FSTL5: variants seen among roughly 807,000 people sequenced by gnomAD.
FSTL5 encodes the protein follistatin-related protein 5.
A neutral mutation model predicts 89.1 loss-of-function variants in FSTL5; 62 were observed. The ratio of observed to expected loss-of-function variants is 0.70; its 90% CI spans 0.57 to 0.86. The LOEUF is 0.86. Among genes scored for constraint, FSTL5 ranks in the 40% least tolerant of loss-of-function variants. FSTL5 has a pLI of 0.00. For missense variants in FSTL5, 1,057 were observed against 1,001.6 expected (o/e 1.06, Z -0.75); for synonymous variants, 383 against 346.2 (o/e 1.11, Z -1.18).
chr4:161,901,219 A>C (rs1047598275), intron 4 of FSTL5, among the ~76,000 whole-genome samples: 1 of 151,970 alleles, frequency 6.6e-6, no homozygotes, highest in African/African-American at 2.4e-5. Flanking sequence ...CTAAATTACT[A>C]GTAACATTTT....
intron 8 of FSTL5, among the ~76,000 whole-genome samples, chr4:161,576,240 C>G (rs930973368): frequency 3.9e-5 from 6 of 152,180 alleles, no homozygotes; most frequent in Admixed American, 3.9e-4. Flanking sequence ...AATGGCCATA[C>G]TGCCCAAAGT....
intron 2 of FSTL5, among the ~76,000 whole-genome samples, chr4:162,078,209 G>A (rs1189725553): frequency 6.6e-6 from 1 of 151,790 alleles, no homozygotes; most frequent in Non-Finnish European, 1.5e-5. Context: ...CAACATTTCT[G>A]AAGGTCTCTC....
chr4:161,677,670 A>G (rs990803808), intron 6 of FSTL5, among the ~76,000 whole-genome samples: 2 of 151,990 alleles, frequency 1.3e-5, no homozygotes, highest in East Asian at 1.9e-4. Context: ...TAAAGAGCTG[A>G]CATTACAGTT....
intron 1 of FSTL5, among the ~76,000 whole-genome samples, chr4:162,151,355 G>T (rs1332271420): frequency 6.9e-6 from 1 of 145,612 alleles, no homozygotes; most frequent in Non-Finnish European, 1.5e-5. Context: ...TTGGTATGAA[G>T]TTGCTAACTC....
chr4:162,012,718 C>T (rs1736803507), intron 3 of FSTL5, among the ~76,000 whole-genome samples: 1 of 151,974 alleles, frequency 6.6e-6, no homozygotes, highest in South Asian at 2.1e-4. Context: ...AGAATTTAGA[C>T]ATATGAAATA....
chr4:161,549,014 T>C (rs1578916529), intron 8 of FSTL5, among the ~76,000 whole-genome samples: 1 of 151,852 alleles, frequency 6.6e-6, no homozygotes, highest in East Asian at 1.9e-4. Flanking sequence ...ATTTTCTTAA[T>C]TGTAGAGAGT....
At chr4:161,689,627 A>G (rs1356585714) in intron 6 of FSTL5, among the ~76,000 whole-genome samples, 1 of 152,098 alleles carries the variant, frequency 6.6e-6, no homozygotes, top group Non-Finnish European at 1.5e-5. Context: ...GCACTATTTT[A>G]GAGGACATTT....
chr4:161,696,402 A>G (rs1412239864), intron 6 of FSTL5, among the ~76,000 whole-genome samples: 4 of 152,144 alleles, frequency 2.6e-5, no homozygotes, highest in African/African-American at 9.6e-5. Flanking sequence ...TGGTGTCTCC[A>G]TATTTGTTCT....
At chr4:161,447,156 T>C (rs945327429) in intron 15 of FSTL5, among the ~76,000 whole-genome samples, 1 of 151,994 alleles carries the variant, frequency 6.6e-6, no homozygotes, top group Admixed American at 6.6e-5. Flanking sequence ...CAATGTGGAG[T>C]GTTTCTAAAT....
intron 7 of FSTL5, among the ~76,000 whole-genome samples, chr4:161,629,089 T>G (rs1467629108): frequency 6.6e-6 from 1 of 152,148 alleles, no homozygotes; most frequent in African/African-American, 2.4e-5. Flanking sequence ...AAACTAAGTT[T>G]GCTTTGTCCC....
chr4:162,065,522 C>T (rs759901705), intron 2 of FSTL5, among the ~76,000 whole-genome samples: 17 of 151,730 alleles, frequency 1.1e-4, no homozygotes, highest in South Asian at 4.1e-4. Context: ...CTAGTACATG[C>T]GAGCATAGCT....
chr4:161,407,445 A>C (rs535831409), intron 15 of FSTL5, among the ~76,000 whole-genome samples: 1 of 152,304 alleles, frequency 6.6e-6, no homozygotes, highest in East Asian at 1.9e-4. Context: ...GAAACCTAGC[A>C]TGAGATGCCT....
chr4:161,734,665 TAAAC>T (rs1297803477), intron 6 of FSTL5, among the ~76,000 whole-genome samples: 5 of 151,966 alleles, frequency 3.3e-5, no homozygotes, highest in African/African-American at 9.7e-5. Context: ...TGGGACAAAA[TAAAC>T]AAAAAACAAA....
chr4:161,721,332 T>C (rs1200640344), intron 6 of FSTL5, among the ~76,000 whole-genome samples: 3 of 150,628 alleles, frequency 2.0e-5, no homozygotes, highest in Admixed American at 6.6e-5. Context: ...GTAGATCTTA[T>C]GTTAACTGTT....
intron 6 of FSTL5, among the ~76,000 whole-genome samples, chr4:161,673,793 G>C (rs1737202394): frequency 6.6e-6 from 1 of 151,600 alleles, no homozygotes; most frequent in African/African-American, 2.4e-5. Context: ...TATTTTTAAG[G>C]ATATATTTTT....
intron 6 of FSTL5, among the ~76,000 whole-genome samples, chr4:161,685,860 T>G (rs1737692324): frequency 6.6e-6 from 1 of 152,176 alleles, no homozygotes; most frequent in Admixed American, 6.5e-5. Flanking sequence ...GCTTTCAACT[T>G]TTCCCCATTC....
At chr4:161,582,802 T>C (rs1321044658) in intron 8 of FSTL5, among the ~76,000 whole-genome samples, 4 of 152,164 alleles carry the variant, frequency 2.6e-5, no homozygotes, top group East Asian at 1.9e-4. Context: ...TGGCAATACG[T>C]CACAGTCAGA....
At chr4:161,463,139 G>T (rs915200201) in intron 13 of FSTL5, among the ~76,000 whole-genome samples, 2 of 151,988 alleles carry the variant, frequency 1.3e-5, no homozygotes, top group African/African-American at 4.8e-5. Context: ...AATAAATTAG[G>T]ATATACCTAT....
intron 3 of FSTL5, among the ~76,000 whole-genome samples, chr4:162,027,935 T>C (rs1737362089): frequency 6.6e-6 from 1 of 152,124 alleles, no homozygotes; most frequent in African/African-American, 2.4e-5. Flanking sequence ...TCTCATAGAA[T>C]GCAATTGCTA....
Sources: gnomAD v4.1 joint callset for allele counts (sites outside exome capture counted in the v4.1 genomes callset) on GRCh38, gnomAD v4.1.1 for gene constraint, MANE v1.5 for transcripts, NCBI Gene and HGNC (gene_info 2026-07-23, HGNC 2026-07-21) for gene names.